CX3CR1: variants seen among roughly 807,000 people sequenced by gnomAD.
The protein encoded by CX3CR1 is CX3C chemokine receptor 1.
For missense variants in CX3CR1, 363 were observed against 432.4 expected (o/e 0.84, Z 1.42); for synonymous variants, 168 against 178.5 (o/e 0.94, Z 0.47).
intron 1 of CX3CR1, among the ~76,000 whole-genome samples, chr3:39,278,622 C>T (rs1456610655): frequency 6.7e-6 from 1 of 150,360 alleles, no homozygotes; most frequent in Admixed American, 6.6e-5. Flanking sequence ...TTTTCTACCT[C>T]AAGTATTTCA....
chr3:39,278,994 C>G (rs558338745), intron 1 of CX3CR1, among the ~76,000 whole-genome samples: 74 of 152,256 alleles, frequency 4.9e-4, no homozygotes, highest in African/African-American at 1.7e-3. Context: ...AACCCCGCCT[C>G]TACTAAAAAT....
chr3:39,275,339 G>A (rs2040827429), intron 1 of CX3CR1, among the ~76,000 whole-genome samples: 1 of 152,206 alleles, frequency 6.6e-6, no homozygotes, highest in South Asian at 2.1e-4. Context: ...GTTTCTGTGG[G>A]AAGGTATGAG....
chr3:39,274,159 C>T (rs1238233911), intron 1 of CX3CR1, among the ~76,000 whole-genome samples: 3 of 152,056 alleles, frequency 2.0e-5, no homozygotes, highest in Non-Finnish European at 4.4e-5. Context: ...GGTTCTCAGT[C>T]GGCTGCCATG....
At chr3:39,285,120 T>C (rs1266798381), upstream of CX3CR1, among the ~76,000 whole-genome samples, 35 of 151,494 alleles carry the variant, frequency 2.3e-4, no homozygotes, top group Admixed American at 2.2e-3. Context: ...ATGCCTGTAA[T>C]TCCAGCACCT....
chr3:39,270,439 G>A (rs762586387), intron 1 of CX3CR1, among the ~76,000 whole-genome samples: 1 of 152,186 alleles, frequency 6.6e-6, no homozygotes, highest in Non-Finnish European at 1.5e-5. Context: ...TCCAATTAAT[G>A]GAATACCAAG....
At chr3:39,292,833 C>G in the CX3CR1 span, among the ~76,000 whole-genome samples, 1 of 152,202 alleles carries the variant, frequency 6.6e-6, no homozygotes, top group African/African-American at 2.4e-5. Context: ...AGGCACCAGT[C>G]TGGTAAAGGA....
At chr3:39,282,352 T>C (rs13098237), upstream of CX3CR1, among the ~76,000 whole-genome samples, 36,266 of 152,000 alleles carry the variant, frequency 0.24, 5,154 homozygotes, top group East Asian at 0.66. Flanking sequence ...CCTTATTCCT[T>C]AGATCCCCGT....
intron 1 of CX3CR1, among the ~76,000 whole-genome samples, chr3:39,269,154 G>GAA (rs11369041): frequency 8.6e-5 from 13 of 150,498 alleles, no homozygotes; most frequent in Admixed American, 2.6e-4. Flanking sequence ...CTGCAATTCT[G>GAA]AAAAAAAAAA....
rs376675436 is a variant in CX3CR1 at position 39,277,750 on chromosome 3, C to T, written c.-10+2204G>A. Among the ~76,000 whole-genome samples the T allele has an allele frequency of 4.6e-4, 70 of 152,308 alleles. 1 individual carries two copies. Among genetic ancestry groups the T allele is most frequent in the Admixed American group, 1.8e-3 (28 of 15,294 alleles). ...TGGGGTGAGGAAGGGGATAGACGAT[C>T]GTCCTGACTGGGTCAGCTCTAATAC... On this transcript the variant is annotated intron_variant, in intron 1 of 1. Coordinates refer to ENST00000399220, the MANE Select transcript of CX3CR1 (RefSeq NM_001337.4).
chr3:39,281,643 C>G, upstream of CX3CR1: 1 of 1,599,394 alleles, frequency 6.3e-7, no homozygotes, highest in Non-Finnish European at 8.5e-7. Flanking sequence ...AGCCAGAGAG[C>G]TCTTCCTGAA....
At chr3:39,280,612 C>T (rs943193516), upstream of CX3CR1, among the ~76,000 whole-genome samples, 2 of 152,106 alleles carry the variant, frequency 1.3e-5, no homozygotes, top group Non-Finnish European at 2.9e-5. Flanking sequence ...TGTAGATGCT[C>T]GGTAAATATT....
At chr3:39,278,990 G>A (rs545099079) in intron 1 of CX3CR1, among the ~76,000 whole-genome samples, 27 of 152,072 alleles carry the variant, frequency 1.8e-4, no homozygotes, top group Non-Finnish European at 2.4e-4. Flanking sequence ...GAGAAACCCC[G>A]CCTCTACTAA....
intron 1 of CX3CR1, among the ~76,000 whole-genome samples, chr3:39,267,613 C>T (rs1464708909): frequency 2.6e-5 from 4 of 152,182 alleles, no homozygotes; most frequent in African/African-American, 9.7e-5. Context: ...GGTCATCCTA[C>T]AACGCTAAGT....
chr3:39,267,780 T>TC (rs2040723863), intron 1 of CX3CR1, among the ~76,000 whole-genome samples: 2 of 152,170 alleles, frequency 1.3e-5, no homozygotes. Flanking sequence ...GGTTTGGACT[T>TC]CCCCACTATT....
intron 1 of CX3CR1, among the ~76,000 whole-genome samples, chr3:39,271,911 T>C (rs997526935): frequency 2.0e-5 from 3 of 152,212 alleles, no homozygotes; most frequent in African/African-American, 7.2e-5. Flanking sequence ...GAGCCTAAGA[T>C]AGGGCCTCCT....
intron 1 of CX3CR1, chr3:39,266,778 G>T (rs994972541): frequency 3.0e-6 from 2 of 666,998 alleles, no homozygotes; most frequent in Middle Eastern, 2.7e-4. Flanking sequence ...GTGAGCATTT[G>T]GCTCTAGGCA....
chr3:39,283,795 T>TTTTATATATATATA (rs1553606448), upstream of CX3CR1, among the ~76,000 whole-genome samples: 4 of 65,294 alleles, frequency 6.1e-5, no homozygotes, highest in Non-Finnish European at 8.4e-5. Context: ...AAAAAAAAAA[T>TTTTATATATATATA]TATATATATA....
At chr3:39,278,402 C>T (rs543845493) in intron 1 of CX3CR1, among the ~76,000 whole-genome samples, 1 of 152,140 alleles carries the variant, frequency 6.6e-6, no homozygotes, top group African/African-American at 2.4e-5. Context: ...GGGTTTTGAA[C>T]CCCAATCCAC....
At chr3:39,273,066 G>C (rs2040797665) in intron 1 of CX3CR1, among the ~76,000 whole-genome samples, 1 of 152,262 alleles carries the variant, frequency 6.6e-6, no homozygotes, top group African/African-American at 2.4e-5. Context: ...TTTCCACAAA[G>C]CCTGTGCTCC....
Sources: allele counts gnomAD v4.1 joint callset (sites outside exome capture counted in the v4.1 genomes callset), GRCh38; gene constraint gnomAD v4.1.1; transcripts MANE v1.5; gene names NCBI Gene and HGNC (gene_info 2026-07-23, HGNC 2026-07-21).